The following TMEM132B variants were observed in gnomAD, a reference collection of about 807,000 sequenced individuals.
The protein encoded by TMEM132B is transmembrane protein 132B.
TMEM132B carries 18 observed loss-of-function variants against 90.8 expected under a neutral mutation model. The observed-to-expected ratio is 0.20, with a 90% CI of 0.14 to 0.29. TMEM132B has a LOEUF of 0.29. Ranked by LOEUF, TMEM132B falls within the 10% of genes least tolerant of loss-of-function variation. The pLI is 1.00. For missense variants in TMEM132B, 1,096 were observed against 1,326.8 expected (o/e 0.83, Z 2.70); for synonymous variants, 504 against 523.3 (o/e 0.96, Z 0.50).
chr12:125,385,116 C>T (rs1311134417), intron 2 of TMEM132B, among the ~76,000 whole-genome samples: 1 of 152,182 alleles, frequency 6.6e-6, no homozygotes, highest in African/African-American at 2.4e-5. Context: ...ACTTATTTTA[C>T]TTAAAAAATT....
chr12:125,460,513 TA>T lies in TMEM132B; in HGVS notation c.1106+44845del, dbSNP rs1031791778. On this transcript the variant is annotated intron_variant, in intron 3 of 8. Transcript: ENST00000682704. The surrounding 1 kb of genome is among the most constrained non-coding windows in gnomAD (Gnocchi z 4.4). Reference sequence around the variant, plus strand: ...TCTCAAAAAAATAAAAAGTAAAAAATAAAAAAAAATCTACCAAGAATACATC... The same window carrying T: ...TCTCAAAAAAATAAAAAGTAAAAAATAAAAAAAATCTACCAAGAATACATC... Among the ~76,000 whole-genome samples, 12 of 151,380 alleles carry T rather than the reference TA, an allele frequency of 7.9e-5. No individual in the cohort carries two copies. Among genetic ancestry groups the T allele is most frequent in the East Asian group, 5.8e-4 (3 of 5,148 alleles).
intron 3 of TMEM132B, among the ~76,000 whole-genome samples, chr12:125,518,266 C>T (rs114570296): frequency 2.2e-3 from 342 of 152,254 alleles, no homozygotes; most frequent in African/African-American, 7.8e-3. Flanking sequence ...GGGAGCTGTC[C>T]GTGGTAGGAG....
intron 5 of TMEM132B, among the ~76,000 whole-genome samples, chr12:125,643,755 G>A (rs558758690): frequency 1.3e-5 from 2 of 152,166 alleles, no homozygotes; most frequent in African/African-American, 2.4e-5. Context: ...ATTAGTGATC[G>A]TTTGAGTACC....
At chr12:125,333,671 G>T (rs1876865084) in intron 1 of TMEM132B, among the ~76,000 whole-genome samples, 3 of 152,190 alleles carry the variant, frequency 2.0e-5, no homozygotes, top group Admixed American at 2.0e-4. Flanking sequence ...GAGAGCAGCA[G>T]TGACCCTGCT....
intron 6 of TMEM132B, among the ~76,000 whole-genome samples, chr12:125,646,776 C>G (rs1246259104): frequency 3.9e-5 from 6 of 152,188 alleles, no homozygotes; most frequent in Admixed American, 1.3e-4. Flanking sequence ...TCATAATATA[C>G]AGAACGTCCA....
chr12:125,237,479 C>T (rs1044355769), intron 1 of TMEM132B, among the ~76,000 whole-genome samples: 11 of 152,134 alleles, frequency 7.2e-5, no homozygotes, highest in African/African-American at 2.2e-4. Context: ...AGAAGGGCTT[C>T]ACTCTGTTGC....
In TMEM132B at chr12:125,492,302, A is replaced by G. The variant is rs1400800458; in HGVS notation, c.1107-27137A>G. 6.6e-6 allele frequency among the ~76,000 whole-genome samples: 1 copy of G among 152,190 alleles called. No homozygotes were observed. Among genetic ancestry groups the G allele is most frequent in the African/African-American group, 2.4e-5 (1 of 41,452 alleles). On this transcript the variant is annotated intron_variant, in intron 3 of 8. Transcript: ENST00000682704. The surrounding 1 kb of genome is among the most constrained non-coding windows in gnomAD (Gnocchi z 5.8). ...CTGTCTCTTGAAGTGACTGCTGCTC[A>G]CCATTCCTTAGCGGGCTCTCGCGTG...
At chr12:125,215,124 T>G (rs147859068) in intron 1 of TMEM132B, among the ~76,000 whole-genome samples, 2 of 152,336 alleles carry the variant, frequency 1.3e-5, no homozygotes, top group Non-Finnish European at 2.9e-5. Context: ...TCCACTTCTG[T>G]ATATAGACCC....
intron 4 of TMEM132B, among the ~76,000 whole-genome samples, chr12:125,582,633 C>G (rs950576332): frequency 5.3e-5 from 8 of 152,126 alleles, no homozygotes; most frequent in Non-Finnish European, 1.0e-4. Context: ...TGCCACAGTC[C>G]CCTTGTGAAT....
intron 1 of TMEM132B, among the ~76,000 whole-genome samples, chr12:125,225,859 T>C (rs768888658): frequency 2.0e-5 from 3 of 152,182 alleles, no homozygotes; most frequent in Non-Finnish European, 2.9e-5. Context: ...CACTCCTAGC[T>C]GCAAGGGAGG....
At chr12:125,635,899 A>G (rs1020848134) in intron 5 of TMEM132B, among the ~76,000 whole-genome samples, 10 of 151,982 alleles carry the variant, frequency 6.6e-5, no homozygotes, top group Non-Finnish European at 1.0e-4. Flanking sequence ...GGTATCAGCA[A>G]ATTTGGTATG....
intron 3 of TMEM132B, among the ~76,000 whole-genome samples, chr12:125,502,428 C>T (rs76424565): frequency 0.03 from 4,521 of 152,282 alleles, 232 homozygotes; most frequent in African/African-American, 0.1. Flanking sequence ...GAAGGAGCAC[C>T]TCATCTTGAA....
chr12:125,294,543 G>A (rs1234571821), intron 1 of TMEM132B, among the ~76,000 whole-genome samples: 1 of 152,202 alleles, frequency 6.6e-6, no homozygotes, highest in African/African-American at 2.4e-5. Context: ...AAATAATTAT[G>A]GCTGCCACTG....
At chr12:125,603,265 A>C (rs142190926) in intron 5 of TMEM132B, among the ~76,000 whole-genome samples, 1 of 152,200 alleles carries the variant, frequency 6.6e-6, no homozygotes, top group African/African-American at 2.4e-5. Context: ...AGTCATATAG[A>C]CCAATGGAGT....
At chr12:125,413,713 A>T (rs1879925135) in intron 2 of TMEM132B, among the ~76,000 whole-genome samples, 1 of 152,198 alleles carries the variant, frequency 6.6e-6, no homozygotes. Context: ...CGTCATATGG[A>T]TAGACCACAT....
At chr12:125,595,143 A>C (rs893393447) in intron 5 of TMEM132B, among the ~76,000 whole-genome samples, 1 of 152,144 alleles carries the variant, frequency 6.6e-6, no homozygotes, top group African/African-American at 2.4e-5. Context: ...GATGTATTAT[A>C]ATGTGCTGGT....
intron 6 of TMEM132B, among the ~76,000 whole-genome samples, chr12:125,645,401 A>G (rs1347897960): frequency 6.6e-6 from 1 of 152,166 alleles, no homozygotes; most frequent in Non-Finnish European, 1.5e-5. Context: ...CTCTGCAAGC[A>G]GAGAGTTCCT....
At chr12:125,336,459 C>G (rs560713163) in intron 1 of TMEM132B, among the ~76,000 whole-genome samples, 2 of 152,228 alleles carry the variant, frequency 1.3e-5, no homozygotes, top group Non-Finnish European at 2.9e-5. Flanking sequence ...GACCTGAAGC[C>G]AGCCTATGCC....
At chr12:125,472,864 G>A (rs1274805934) in intron 3 of TMEM132B, among the ~76,000 whole-genome samples, 2 of 152,124 alleles carry the variant, frequency 1.3e-5, no homozygotes, top group East Asian at 3.9e-4. Context: ...AAATCACCCA[G>A]TCTAAAGTGT....
Sources: allele counts gnomAD v4.1 joint callset (sites outside exome capture counted in the v4.1 genomes callset), GRCh38; gene constraint gnomAD v4.1.1; non-coding constraint Gnocchi (gnomAD v3.1); transcripts MANE v1.5; gene names NCBI Gene and HGNC (gene_info 2026-07-23, HGNC 2026-07-21).